MYRIP: variants seen among roughly 807,000 people sequenced by gnomAD.
The protein encoded by MYRIP is rab effector MyRIP.
MYRIP carries 49 observed loss-of-function variants against 98.0 expected under a neutral mutation model. The observed-to-expected ratio is 0.50, with a 90% CI of 0.40 to 0.63. MYRIP has a LOEUF of 0.63. Ranked by LOEUF, MYRIP falls within the 30% of genes least tolerant of loss-of-function variation. The pLI is 0.00. For missense variants in MYRIP, 1,004 were observed against 1,058.2 expected, an observed-to-expected ratio of 0.95 and a Z score of 0.71; for synonymous variants, 404 against 409.5, an observed-to-expected ratio of 0.99 and a Z score of 0.16.
intron 1 of MYRIP, among the ~76,000 whole-genome samples, chr3:39,867,309 A>G (rs1942654348): frequency 6.6e-6 from 1 of 152,240 alleles, no homozygotes; most frequent in Non-Finnish European, 1.5e-5. Context: ...CAAAAAAATA[A>G]ACATGTTGTA....
chr3:39,888,134 C>T (rs1943363970), intron 1 of MYRIP, among the ~76,000 whole-genome samples: 1 of 152,160 alleles, frequency 6.6e-6, no homozygotes. Flanking sequence ...ATGCCATCCC[C>T]ATCAAGCTAC....
intron 1 of MYRIP, among the ~76,000 whole-genome samples, chr3:39,875,076 G>A (rs1942944094): frequency 6.6e-6 from 1 of 152,140 alleles, no homozygotes; most frequent in South Asian, 2.1e-4. Flanking sequence ...TTGGGAGGGT[G>A]TATGTGTCCA....
chr3:39,892,421 C>T, intron 1 of MYRIP, among the ~76,000 whole-genome samples: 1 of 152,136 alleles, frequency 6.6e-6, no homozygotes, highest in East Asian at 1.9e-4. Context: ...AGGCAGAGGC[C>T]TTAGGGGTTA....
intron 2 of MYRIP, among the ~76,000 whole-genome samples, chr3:39,944,357 T>C (rs1192219548): frequency 6.6e-6 from 1 of 152,198 alleles, no homozygotes; most frequent in East Asian, 1.9e-4. Context: ...TGGAATGCCA[T>C]GTTGTTATTA....
chr3:39,841,032 C>T (rs1307078049), intron 1 of MYRIP, among the ~76,000 whole-genome samples: 1 of 152,198 alleles, frequency 6.6e-6, no homozygotes, highest in Non-Finnish European at 1.5e-5. Context: ...GGAAGTTCTC[C>T]TGGATAATAT....
intron 16 of MYRIP, 61 bp downstream of exon 16, chr3:40,252,060 C>A (rs1953393258): frequency 3.1e-6 from 4 of 1,284,316 alleles, no homozygotes; most frequent in African/African-American, 2.9e-5. Context: ...CTCCACTCTG[C>A]AGCCTTTCCT....
At chr3:39,991,508 A>C (rs1048747177) in intron 2 of MYRIP, among the ~76,000 whole-genome samples, 1 of 152,164 alleles carries the variant, frequency 6.6e-6, no homozygotes, top group African/African-American at 2.4e-5. Context: ...AATTACAATC[A>C]TTTCTAATTA....
chr3:39,951,816 A>G (rs879080200), intron 2 of MYRIP, among the ~76,000 whole-genome samples: 2 of 152,152 alleles, frequency 1.3e-5, no homozygotes, highest in Admixed American at 1.3e-4. Flanking sequence ...TGCTTCTCTC[A>G]TAGACAGGGA....
intron 16 of MYRIP, among the ~76,000 whole-genome samples, chr3:40,257,845 T>G (rs896994399): frequency 6.6e-6 from 1 of 152,120 alleles, no homozygotes; most frequent in Non-Finnish European, 1.5e-5. Flanking sequence ...GTAAAGAAGG[T>G]ATGGATTATT....
chr3:39,899,150 C>G (rs1238022382), intron 1 of MYRIP, among the ~76,000 whole-genome samples: 1 of 151,980 alleles, frequency 6.6e-6, no homozygotes, highest in Non-Finnish European at 1.5e-5. Flanking sequence ...TATTCCTAGA[C>G]AATAATTTTT....
chr3:39,895,883 A>G (rs779165071), intron 1 of MYRIP, among the ~76,000 whole-genome samples: 1 of 151,414 alleles, frequency 6.6e-6, no homozygotes, highest in Non-Finnish European at 1.5e-5. Flanking sequence ...GTCAGGCCAG[A>G]AAGTCCTGAG....
chr3:39,869,737 C>T (rs964938996), intron 1 of MYRIP, among the ~76,000 whole-genome samples: 11 of 152,250 alleles, frequency 7.2e-5, no homozygotes, highest in East Asian at 1.9e-4. Context: ...CACTTACTGC[C>T]GTCTCCGATA....
chr3:40,151,905 A>C (rs34635136), intron 4 of MYRIP, among the ~76,000 whole-genome samples: 1 of 151,864 alleles, frequency 6.6e-6, no homozygotes, highest in African/African-American at 2.4e-5. Context: ...AGAAGAAAAA[A>C]CCTCATTCAT....
chr3:39,936,069 A>G (rs1054416937), intron 2 of MYRIP, among the ~76,000 whole-genome samples: 2 of 150,594 alleles, frequency 1.3e-5, no homozygotes, highest in South Asian at 2.1e-4. Flanking sequence ...TTCAAATTCT[A>G]TTGAATAACG....
Position 40,189,926 on chromosome 3 carries a change from G to A in MYRIP, c.1128G>A (p.Thr376=), listed in dbSNP as rs71331109. 1,226 of 1,614,198 alleles carry A rather than the reference G, an allele frequency of 7.6e-4. 10 individuals carry two copies. Among genetic ancestry groups the A allele is most frequent in the East Asian group, 5.5e-3 (248 of 44,870 alleles). Residue 376 remains threonine, a synonymous_variant, in exon 10 of 17, where the codon ACG becomes ACA. Coordinates refer to ENST00000302541, the MANE Select transcript of MYRIP (RefSeq NM_015460.4). ...TACTGGCCAAACCTAAGAGCGGGAC[G>A]TTTCAGGCCCTGGAGGTGGCCTCCA... ...TRLLAKPKSG[T]FQALEVASSV... is the part of the protein sequence containing the mutation.
chr3:40,043,973 C>T, intron 2 of MYRIP, 77 bp from the exon 3 acceptor site: 3 of 1,369,582 alleles, frequency 2.2e-6, no homozygotes, highest in Non-Finnish European at 3.0e-6. Flanking sequence ...GGACAGGGTG[C>T]ATGCTTTGGG....
At chr3:39,877,356 T>C (rs1248956795) in intron 1 of MYRIP, among the ~76,000 whole-genome samples, 9 of 152,144 alleles carry the variant, frequency 5.9e-5, no homozygotes, top group African/African-American at 2.2e-4. Context: ...AAAGTCATTC[T>C]CCGTCCAGCT....
chr3:39,964,554 G>A (rs9820000), intron 2 of MYRIP, among the ~76,000 whole-genome samples: 9,104 of 152,190 alleles, frequency 0.06, 569 homozygotes, highest in African/African-American at 0.15. Context: ...ATTGGGTAAA[G>A]GTTGATTTTT....
At chr3:40,006,554 T>G (rs1946640842) in intron 2 of MYRIP, among the ~76,000 whole-genome samples, 1 of 152,170 alleles carries the variant, frequency 6.6e-6, no homozygotes, top group African/African-American at 2.4e-5. Flanking sequence ...AACGTCCTGT[T>G]TCTGGCTTGA....
Sources: gnomAD v4.1 joint callset for allele counts (sites outside exome capture counted in the v4.1 genomes callset) on GRCh38, gnomAD v4.1.1 for gene constraint, MANE v1.5 for transcripts, NCBI Gene and HGNC (gene_info 2026-07-23, HGNC 2026-07-21) for gene names.